The following SDK1 variants were observed in gnomAD, a reference collection of about 807,000 sequenced individuals.
SDK1 encodes sidekick cell adhesion molecule 1.
Under a neutral mutation model 245.5 loss-of-function variants are expected in SDK1, and 157 were observed. The observed-to-expected ratio is 0.64, with a 90% CI of 0.56 to 0.73. SDK1 has a LOEUF of 0.73. Ranked by LOEUF, SDK1 falls within the 30% of genes least tolerant of loss-of-function variation. SDK1 has a pLI of 0.00. For synonymous variants in SDK1, 1,647 were observed against 1,278.5 expected (o/e 1.29, Z -6.15); for missense variants, 3,583 against 3,002.3 (o/e 1.19, Z -4.52).
chr7:3,357,023 C>A lies in SDK1; in HGVS notation c.298+55139C>A, dbSNP rs183032785. Among the ~76,000 whole-genome samples, 304 of 146,910 alleles carry A rather than the reference C, an allele frequency of 2.1e-3. 1 individual carries two copies. The highest frequency in any genetic ancestry group is 7.4e-3 in the African/African-American group (291 of 39,122). Reference sequence around the variant, plus strand: ...TGAGCCGAGATAGTGCCACTGCACTCCAGCCTGGGTGACAGAGCGAGACTC... The same window carrying A: ...TGAGCCGAGATAGTGCCACTGCACTACAGCCTGGGTGACAGAGCGAGACTC... On this transcript the variant is annotated intron_variant, in intron 1 of 44. Transcript: ENST00000404826.
intron 42 of SDK1, 121 bp from the exon 43 acceptor site, chr7:4,241,672 C>T (rs1044934027): frequency 1.6e-6 from 2 of 1,229,286 alleles, no homozygotes; most frequent in South Asian, 2.9e-5. Flanking sequence ...CAGGTATCCT[C>T]AGCTCTGGGC....
chr7:3,567,622 T>C (rs1779967852), intron 1 of SDK1, among the ~76,000 whole-genome samples: 1 of 152,158 alleles, frequency 6.6e-6, no homozygotes, highest in South Asian at 2.1e-4. Flanking sequence ...AACTTTTGGG[T>C]TATCTGATCT....
intron 4 of SDK1, among the ~76,000 whole-genome samples, chr7:3,803,478 T>A (rs1779163156): frequency 6.6e-6 from 1 of 151,448 alleles, no homozygotes; most frequent in South Asian, 2.1e-4. Flanking sequence ...GCCTGATTAA[T>A]TTTTGTATTT....
intron 12 of SDK1, among the ~76,000 whole-genome samples, chr7:3,973,345 C>T (rs1343994477): frequency 1.3e-5 from 2 of 152,092 alleles, no homozygotes; most frequent in African/African-American, 2.4e-5. Flanking sequence ...TTGCAAAACC[C>T]GATCAAATTA....
intron 5 of SDK1, among the ~76,000 whole-genome samples, chr7:3,867,146 A>C (rs1300205510): frequency 6.6e-6 from 1 of 152,206 alleles, no homozygotes; most frequent in Non-Finnish European, 1.5e-5. Context: ...TCAAACACAG[A>C]AAAAGCTTGA....
chr7:3,451,112 A>G (rs1007918267), intron 1 of SDK1, among the ~76,000 whole-genome samples: 1 of 152,104 alleles, frequency 6.6e-6, no homozygotes, highest in Non-Finnish European at 1.5e-5. Flanking sequence ...TAAGTGGATG[A>G]TACAGTAGCT....
intron 1 of SDK1, among the ~76,000 whole-genome samples, chr7:3,396,814 A>C (rs2128571966): frequency 6.6e-6 from 1 of 151,412 alleles, no homozygotes; most frequent in South Asian, 2.1e-4. Context: ...GTTAATCTGC[A>C]CCTTTTGATT....
chr7:3,674,622 A>T (rs553908813), intron 4 of SDK1, among the ~76,000 whole-genome samples: 19 of 151,988 alleles, frequency 1.3e-4, no homozygotes, highest in Admixed American at 1.1e-3. Flanking sequence ...AGATTCTAAG[A>T]CTTTATTCCA....
At chr7:4,226,946 T>C (rs558297794) in intron 40 of SDK1, among the ~76,000 whole-genome samples, 2 of 152,130 alleles carry the variant, frequency 1.3e-5, no homozygotes, top group East Asian at 3.9e-4. Flanking sequence ...ATTTTTTTTT[T>C]TTTTCTTAAA....
At chr7:3,385,606 C>A (rs959032293) in intron 1 of SDK1, among the ~76,000 whole-genome samples, 1 of 152,268 alleles carries the variant, frequency 6.6e-6, no homozygotes, top group Non-Finnish European at 1.5e-5. Flanking sequence ...CTTGCCATTT[C>A]TTTCCATCTT....
chr7:3,969,943 T>C (rs541180614), intron 11 of SDK1, among the ~76,000 whole-genome samples: 32 of 152,364 alleles, frequency 2.1e-4, no homozygotes, highest in Non-Finnish European at 4.0e-4. Flanking sequence ...TATCAATGTT[T>C]CTTGTATATT....
In SDK1 at chr7:4,014,417, G is replaced by A. The variant is rs1482504118; in HGVS notation, c.2420+2182G>A. Reference sequence around the variant, plus strand: ...CCAAGATGAGGGTGCAGTACCCTAGGCCTGTGAATATCAAAGTTTTCAGAA... The same window carrying A: ...CCAAGATGAGGGTGCAGTACCCTAGACCTGTGAATATCAAAGTTTTCAGAA... On this transcript the variant is annotated intron_variant, in intron 16 of 44. Coordinates refer to ENST00000404826, the MANE Select transcript of SDK1 (RefSeq NM_152744.4). Among the ~76,000 whole-genome samples, 3 of 152,150 alleles carry A rather than the reference G, an allele frequency of 2.0e-5. No homozygotes were observed. In the East Asian group the frequency reaches 5.8e-4, roughly 29 times the overall value.
chr7:3,480,016 A>T (rs1781463323), intron 1 of SDK1, among the ~76,000 whole-genome samples: 1 of 152,172 alleles, frequency 6.6e-6, no homozygotes, highest in African/African-American at 2.4e-5. Context: ...CAAAGTAAAG[A>T]TGTCTACATC....
intron 1 of SDK1, among the ~76,000 whole-genome samples, chr7:3,597,485 C>A (rs930782448): frequency 6.6e-6 from 1 of 152,104 alleles, no homozygotes; most frequent in Non-Finnish European, 1.5e-5. Context: ...AGAACACCGG[C>A]GGCGGGGAGG....
chr7:3,737,845 C>T (rs1479604189), intron 4 of SDK1, among the ~76,000 whole-genome samples: 1 of 152,186 alleles, frequency 6.6e-6, no homozygotes, highest in African/African-American at 2.4e-5. Context: ...GGGGAAGTCT[C>T]TTTGTCTAGT....
At chr7:4,006,743 C>T (rs1033096202) in intron 14 of SDK1, among the ~76,000 whole-genome samples, 1 of 152,194 alleles carries the variant, frequency 6.6e-6, no homozygotes, top group African/African-American at 2.4e-5. Context: ...ATAGCTGCAG[C>T]AGGACTGGGC....
intron 5 of SDK1, among the ~76,000 whole-genome samples, chr7:3,882,180 C>T (rs1359457702): frequency 2.0e-5 from 3 of 152,100 alleles, no homozygotes. Context: ...GAAACTGCTC[C>T]ATGATTCAGT....
intron 4 of SDK1, among the ~76,000 whole-genome samples, chr7:3,756,005 G>C (rs893821518): frequency 6.6e-6 from 1 of 151,110 alleles, no homozygotes; most frequent in East Asian, 2.0e-4. Flanking sequence ...TTGATGTTTT[G>C]ACCCTGACTC....
chr7:4,132,319 C>T lies in SDK1; in HGVS notation c.4130-6C>T. 6.2e-7 allele frequency: 1 copy of T among 1,605,716 alleles called. No homozygotes were observed. The highest frequency in any genetic ancestry group is 1.1e-5 in the South Asian group (1 of 90,476). On this transcript the variant is annotated splice_polypyrimidine_tract_variant and splice_region_variant and intron_variant, in intron 27 of 44. Coordinates refer to ENST00000404826, the MANE Select transcript of SDK1 (RefSeq NM_152744.4). Reference sequence around the variant, plus strand: ...AGATCTGAATCCCTGTGGTTTTTCCCTTCAGCCCCAGGCCCACCAGTGAGG... The same window carrying T: ...AGATCTGAATCCCTGTGGTTTTTCCTTTCAGCCCCAGGCCCACCAGTGAGG...
Sources: allele counts gnomAD v4.1 joint callset (sites outside exome capture counted in the v4.1 genomes callset), GRCh38; gene constraint gnomAD v4.1.1; transcripts MANE v1.5; gene names NCBI Gene and HGNC (gene_info 2026-07-23, HGNC 2026-07-21).